FIGN: variants seen among roughly 807,000 people sequenced by gnomAD.
The protein encoded by FIGN is fidgetin.
In FIGN, 11 loss-of-function variants were observed where a neutral mutation model predicts 51.3. The observed-to-expected ratio is 0.21, with a 90% CI of 0.13 to 0.35. FIGN has a LOEUF of 0.35. Among genes scored for constraint, FIGN ranks in the 10% least tolerant of loss-of-function variants. The probability of loss-of-function intolerance (pLI) is 1.00; values close to 1 mark genes in which losing one functional copy is unlikely to be tolerated. For missense variants in FIGN, 857 were observed against 943.6 expected, an observed-to-expected ratio of 0.91 and a Z score of 1.20; for synonymous variants, 407 against 363.2, an observed-to-expected ratio of 1.12 and a Z score of -1.37.
At chr2:163,634,089 CGTGT>C (rs66956230) in intron 2 of FIGN, among the ~76,000 whole-genome samples, 2,255 of 145,474 alleles carry the variant, frequency 0.016, 51 homozygotes, top group African/African-American at 0.053. Context: ...CGTATGTATG[CGTGT>C]GTGTGTGTGT....
chr2:163,648,214 A>G (rs1394740439), intron 2 of FIGN, among the ~76,000 whole-genome samples: 1 of 151,952 alleles, frequency 6.6e-6, no homozygotes, highest in East Asian at 1.9e-4. Context: ...CATCACAAGC[A>G]GAGGAGAATT....
intron 2 of FIGN, among the ~76,000 whole-genome samples, chr2:163,636,653 T>A (rs905730740): frequency 1.3e-5 from 2 of 152,168 alleles, no homozygotes; most frequent in Non-Finnish European, 2.9e-5. Flanking sequence ...TTGGTAAGTA[T>A]TTGAATGGGT....
intron 2 of FIGN, among the ~76,000 whole-genome samples, chr2:163,639,857 T>C (rs16848743): frequency 0.6 from 91,065 of 151,990 alleles, 27,930 homozygotes; most frequent in Middle Eastern, 0.83. Context: ...TTGCTGTTGG[T>C]CTAACATTCT....
intron 2 of FIGN, among the ~76,000 whole-genome samples, chr2:163,714,549 G>C (rs1480468576): frequency 2.0e-5 from 3 of 152,184 alleles, no homozygotes; most frequent in South Asian, 4.1e-4. Flanking sequence ...ACTAATTACT[G>C]TTTTTAAAAC....
rs764241132 is a variant in FIGN at position 163,609,606 on chromosome 2, T to C, written c.2226A>G (p.Gln742=). The part of the protein sequence containing the change: ...AFCKIQPSIS[Q]KELDMYVEWN... ...ATTCAACATACATATCAAGCTCCTT[T>C]TGAGATATGCTAGGCTGAATCTTGC... is the stretch of plus-strand genomic sequence containing the variant. Residue 742 remains glutamine (Q), a synonymous_variant, in exon 3 of 3, where the codon CAA becomes CAG. Coordinates refer to ENST00000333129, the MANE Select transcript of FIGN (RefSeq NM_018086.4). The C allele has an allele frequency of 3.1e-6, 5 of 1,614,044 alleles. No homozygotes were observed. Among genetic ancestry groups the C allele is most frequent in the Admixed American group, 1.7e-5 (1 of 60,004 alleles).
At chr2:163,668,016 C>CG (rs1683810464) in intron 2 of FIGN, among the ~76,000 whole-genome samples, 1 of 126,290 alleles carries the variant, frequency 7.9e-6, no homozygotes, top group African/African-American at 2.9e-5. Context: ...TACCTCCAAC[C>CG]CCCCCCCCCA....
At chr2:163,721,446 T>A (rs754637149) in intron 2 of FIGN, among the ~76,000 whole-genome samples, 16 of 152,172 alleles carry the variant, frequency 1.1e-4, no homozygotes, top group Non-Finnish European at 5.9e-5. Flanking sequence ...AACACACGGG[T>A]CTTCACTGTT....
At chr2:163,674,830 A>T (rs1383088439) in intron 2 of FIGN, among the ~76,000 whole-genome samples, 2 of 152,142 alleles carry the variant, frequency 1.3e-5, no homozygotes, top group African/African-American at 4.8e-5. Flanking sequence ...CAAAAAAAAA[A>T]TAGTAAGAGT....
At chr2:163,725,124 C>T (rs1013498876) in intron 2 of FIGN, among the ~76,000 whole-genome samples, 2 of 152,068 alleles carry the variant, frequency 1.3e-5, no homozygotes, top group African/African-American at 4.8e-5. Context: ...CTAATATAAA[C>T]CCTAATATTA....
At chr2:163,636,359 C>T (rs961381152) in intron 2 of FIGN, among the ~76,000 whole-genome samples, 61 of 152,174 alleles carry the variant, frequency 4.0e-4, no homozygotes, top group African/African-American at 1.4e-3. Flanking sequence ...GATCTTGGCT[C>T]ACCGCAACCT....
In FIGN at chr2:163,716,599, C is replaced by T. The variant is rs533532848; in HGVS notation, c.25+18304G>A. 7.9e-5 allele frequency among the ~76,000 whole-genome samples: 12 copies of T among 152,150 alleles called. No homozygotes were observed. The South Asian group carries it at 2.5e-3, about 32-fold the overall frequency. On this transcript the variant is annotated intron_variant, in intron 2 of 2. Coordinates refer to ENST00000333129, the MANE Select transcript of FIGN (RefSeq NM_018086.4). ...GAAGGGTGAGTGGATAAACTGGTTC[C>T]AGATTCAAAGATAATGTTCATTTCT...
chr2:163,650,603 A>G (rs1185039342), intron 2 of FIGN, among the ~76,000 whole-genome samples: 2 of 149,274 alleles, frequency 1.3e-5, no homozygotes, highest in East Asian at 3.9e-4. Flanking sequence ...ATGTGTTCTC[A>G]TTGTTCAACT....
At chr2:163,675,453 T>C (rs78929254) in intron 2 of FIGN, among the ~76,000 whole-genome samples, 3,489 of 152,310 alleles carry the variant, frequency 0.023, 131 homozygotes, top group African/African-American at 0.079. Context: ...CTGGGGAAAC[T>C]GTTAGAAATG....
At chr2:163,698,785 A>T (rs964463365) in intron 2 of FIGN, among the ~76,000 whole-genome samples, 3 of 152,184 alleles carry the variant, frequency 2.0e-5, no homozygotes, top group African/African-American at 7.2e-5. Flanking sequence ...CTTTTGAAAC[A>T]TGCAGAATTC....
At chr2:163,718,878 A>G (rs1356235454) in intron 2 of FIGN, among the ~76,000 whole-genome samples, 2 of 152,146 alleles carry the variant, frequency 1.3e-5, no homozygotes, top group Admixed American at 1.3e-4. Context: ...TACAGATTAT[A>G]TGGATAACTA....
intron 2 of FIGN, among the ~76,000 whole-genome samples, chr2:163,631,600 C>G (rs1473419176): frequency 6.6e-6 from 1 of 152,138 alleles, no homozygotes; most frequent in East Asian, 1.9e-4. Context: ...GGTCCCTTCC[C>G]TCCCTTTCCA....
At chr2:163,653,017 T>C (rs1486418653) in intron 2 of FIGN, among the ~76,000 whole-genome samples, 1 of 152,104 alleles carries the variant, frequency 6.6e-6, no homozygotes, top group Non-Finnish European at 1.5e-5. Flanking sequence ...GAGAGAAGAT[T>C]TGGAGCCAGA....
At chr2:163,682,326 G>C (rs1242174428) in intron 2 of FIGN, among the ~76,000 whole-genome samples, 1 of 152,168 alleles carries the variant, frequency 6.6e-6, no homozygotes, top group African/African-American at 2.4e-5. Context: ...TGATTCTAGT[G>C]AGTTTTAATT....
chr2:163,606,897 C>G lies in FIGN; in HGVS notation c.*2655G>C, dbSNP rs1051656010. Reference sequence around the variant, plus strand: ...TTGCATCTCAAATTAATTTTTAAGTCACTCAGAGTTCTAATTTTTAAGTCA... The same window carrying G: ...TTGCATCTCAAATTAATTTTTAAGTGACTCAGAGTTCTAATTTTTAAGTCA... On this transcript the variant is annotated 3_prime_UTR_variant, in exon 3 of 3. Transcript: ENST00000333129. 1 of 152,152 alleles carries G rather than the reference C, an allele frequency of 6.6e-6. No homozygotes were observed. The highest frequency in any genetic ancestry group is 6.6e-5 in the Admixed American group (1 of 15,256). The allele number at this position is 152,152 out of a possible 1,614,324, so 9.4% of individuals were successfully genotyped here. A position where few individuals can be genotyped will look rare whatever the true frequency, so the allele number is the denominator to read the frequency against.
Sources: allele counts gnomAD v4.1 joint callset (sites outside exome capture counted in the v4.1 genomes callset), GRCh38; gene constraint gnomAD v4.1.1; transcripts MANE v1.5; gene names NCBI Gene and HGNC (gene_info 2026-07-23, HGNC 2026-07-21).